PTPRT: variants seen among roughly 807,000 people sequenced by gnomAD.
The protein encoded by PTPRT is receptor-type tyrosine-protein phosphatase T.
In PTPRT, 56 loss-of-function variants were observed where a neutral mutation model predicts 176.8. The observed-to-expected ratio is 0.32, with a 90% confidence interval of 0.26 to 0.40. The LOEUF (loss-of-function observed/expected upper bound fraction) is 0.40, where lower values mean the gene tolerates loss of function less well. PTPRT is among the 10% of genes least tolerant of loss of function. PTPRT has a pLI of 1.00. For synonymous variants in PTPRT, 783 were observed against 739.0 expected, an observed-to-expected ratio of 1.06 and a Z score of -0.96; for missense variants, 1,540 against 1,908.2, an observed-to-expected ratio of 0.81 and a Z score of 3.60.
At chr20:42,532,164 G>A (rs1377055702) in intron 7 of PTPRT, among the ~76,000 whole-genome samples, 3 of 152,110 alleles carry the variant, frequency 2.0e-5, no homozygotes. Flanking sequence ...GAAGTGTGTG[G>A]CTTAGGGCAC....
intron 1 of PTPRT, among the ~76,000 whole-genome samples, chr20:43,091,149 C>T (rs937010635): frequency 2.0e-5 from 3 of 152,094 alleles, no homozygotes; most frequent in Non-Finnish European, 4.4e-5. Context: ...AGGAGAATCG[C>T]TTGAACCTGA....
chr20:42,654,963 C>T (rs1408008015), intron 7 of PTPRT, among the ~76,000 whole-genome samples: 1 of 152,108 alleles, frequency 6.6e-6, no homozygotes, highest in Non-Finnish European at 1.5e-5. Flanking sequence ...ATTCACTTTC[C>T]CATTTAGTCA....
In PTPRT at chr20:42,106,783, C is replaced by T; in HGVS notation, c.3390+3G>A. The T allele has an allele frequency of 1.2e-6, 2 of 1,613,248 alleles. No individual in the cohort carries two copies. The highest frequency in any genetic ancestry group is 2.7e-5 in the African/African-American group (2 of 75,022). On this transcript the variant is annotated splice_donor_region_variant and intron_variant, in intron 24 of 30. Coordinates refer to ENST00000373187, the MANE Select transcript of PTPRT (RefSeq NM_007050.6). ...CCAACTGTCTTGGCCCCCTAGGACT[C>T]ACCTCTGTCTGTACCAGGTTGACCC...
chr20:43,144,049 G>A (rs2014095754), intron 1 of PTPRT, among the ~76,000 whole-genome samples: 1 of 152,154 alleles, frequency 6.6e-6, no homozygotes, highest in African/African-American at 2.4e-5. Flanking sequence ...GGTCCAGGAT[G>A]GGGCACCATA....
chr20:42,573,153 C>CA (rs2073188783), intron 7 of PTPRT, among the ~76,000 whole-genome samples: 1 of 152,088 alleles, frequency 6.6e-6, no homozygotes, highest in African/African-American at 2.4e-5. Flanking sequence ...GTAGGAGGTA[C>CA]AGTGAGCAGG....
At chr20:43,055,560 C>T (rs961252960) in intron 1 of PTPRT, among the ~76,000 whole-genome samples, 7 of 152,170 alleles carry the variant, frequency 4.6e-5, no homozygotes, top group Admixed American at 3.3e-4. Flanking sequence ...CTCTAGCAAA[C>T]AGAAATCTGT....
At chr20:43,056,798 G>A (rs1439878905) in intron 1 of PTPRT, among the ~76,000 whole-genome samples, 1 of 152,158 alleles carries the variant, frequency 6.6e-6, no homozygotes, top group East Asian at 1.9e-4. Flanking sequence ...TTGCCAACTT[G>A]CTCAGCAGAC....
At chr20:42,965,204 G>A (rs183660681) in intron 1 of PTPRT, among the ~76,000 whole-genome samples, 61 of 152,198 alleles carry the variant, frequency 4.0e-4, no homozygotes, top group Admixed American at 2.2e-3. Context: ...ATAAACAGAG[G>A]TGTGATTGCA....
At chr20:42,388,690 G>A (rs978437312) in intron 9 of PTPRT, among the ~76,000 whole-genome samples, 4 of 152,234 alleles carry the variant, frequency 2.6e-5, no homozygotes, top group African/African-American at 9.7e-5. Flanking sequence ...CTGTAAACTA[G>A]TTCAACCATT....
intron 1 of PTPRT, among the ~76,000 whole-genome samples, chr20:43,120,134 G>C (rs1408509939): frequency 6.6e-6 from 1 of 152,142 alleles, no homozygotes; most frequent in Non-Finnish European, 1.5e-5. Flanking sequence ...ACCAGGAGTA[G>C]TAACCACACT....
chr20:42,277,127 G>C (rs1479787855), intron 13 of PTPRT, among the ~76,000 whole-genome samples: 2 of 152,072 alleles, frequency 1.3e-5, no homozygotes, highest in Non-Finnish European at 2.9e-5. Flanking sequence ...CAAAACTACT[G>C]GTGACACTGG....
rs546341488 is a variant in PTPRT at position 42,859,838 on chromosome 20, C to T, written c.214+25969G>A. 2.2e-3 allele frequency among the ~76,000 whole-genome samples: 338 copies of T among 151,876 alleles called. 1 individual carries two copies. The highest frequency in any genetic ancestry group is 4.4e-3 in the South Asian group (21 of 4,780). ...CTATCTCCTGACCTCGTGATCCACC[C>T]GCCTGGGCCTCCTAAAGTGCTGGGA... On this transcript the variant is annotated intron_variant, in intron 2 of 30. Transcript: ENST00000373187.
At chr20:42,294,944 T>C (rs1206534410) in intron 12 of PTPRT, among the ~76,000 whole-genome samples, 2 of 151,888 alleles carry the variant, frequency 1.3e-5, no homozygotes, top group Non-Finnish European at 2.9e-5. Context: ...AAATGAGATA[T>C]AGAAAAAATT....
intron 1 of PTPRT, among the ~76,000 whole-genome samples, chr20:43,014,523 T>C (rs1985284742): frequency 6.6e-6 from 1 of 152,218 alleles, no homozygotes; most frequent in African/African-American, 2.4e-5. Flanking sequence ...CACAGCCATA[T>C]ATCCACATGA....
chr20:42,638,148 G>C (rs1432514835), intron 7 of PTPRT, among the ~76,000 whole-genome samples: 1 of 152,082 alleles, frequency 6.6e-6, no homozygotes, highest in Non-Finnish European at 1.5e-5. Context: ...TCTATCCATA[G>C]ATAAACACAT....
At chr20:42,053,566 C>T in the PTPRT span, among the ~76,000 whole-genome samples, 1 of 152,170 alleles carries the variant, frequency 6.6e-6, no homozygotes. Context: ...GGCCACTGCA[C>T]AGTTAAGCCC....
intron 9 of PTPRT, among the ~76,000 whole-genome samples, chr20:42,355,212 C>T (rs568880403): frequency 1.3e-5 from 2 of 152,152 alleles, no homozygotes; most frequent in African/African-American, 2.4e-5. Context: ...CAAGCTCCCC[C>T]TCCTTGGTAT....
intron 16 of PTPRT, among the ~76,000 whole-genome samples, chr20:42,179,937 A>G (rs1225128268): frequency 3.3e-5 from 5 of 152,222 alleles, no homozygotes; most frequent in Non-Finnish European, 7.3e-5. Flanking sequence ...GCAGAAATCA[A>G]TGCTAGATCA....
chr20:42,824,277 T>C (rs994467824), intron 2 of PTPRT, among the ~76,000 whole-genome samples: 5 of 152,168 alleles, frequency 3.3e-5, no homozygotes, highest in Admixed American at 2.0e-4. Context: ...TAAAGATCAT[T>C]TGAAAGGAGA....
Sources: allele counts gnomAD v4.1 joint callset (sites outside exome capture counted in the v4.1 genomes callset), GRCh38; gene constraint gnomAD v4.1.1; transcripts MANE v1.5; gene names NCBI Gene and HGNC (gene_info 2026-07-23, HGNC 2026-07-21).